TTC29: variants seen among roughly 807,000 people sequenced by gnomAD.
TTC29 encodes the protein tetratricopeptide repeat domain 29.
In TTC29, 49 loss-of-function variants were observed where a neutral mutation model predicts 58.1. That is an observed-to-expected ratio of 0.84 (90% confidence interval 0.67 to 1.07). TTC29 has a LOEUF of 1.07. TTC29 is among the 50% of genes least tolerant of loss of function. TTC29 has a pLI of 0.00. For missense variants in TTC29, 582 were observed against 555.6 expected, an observed-to-expected ratio of 1.05 and a Z score of -0.48; for synonymous variants, 209 against 196.8, an observed-to-expected ratio of 1.06 and a Z score of -0.52.
chr4:146,840,168 CTTT>C (rs369143176), intron 8 of TTC29, among the ~76,000 whole-genome samples: 7 of 137,760 alleles, frequency 5.1e-5, no homozygotes, highest in African/African-American at 5.3e-5. Context: ...TGGTTTTTAT[CTTT>C]TTTTTTTTTT....
intron 2 of TTC29, among the ~76,000 whole-genome samples, chr4:146,941,899 G>A (rs1250251399): frequency 1.3e-5 from 2 of 152,184 alleles, no homozygotes; most frequent in Non-Finnish European, 2.9e-5. Flanking sequence ...TTAGGTAGGA[G>A]TAGAGAAGGA....
intron 6 of TTC29, among the ~76,000 whole-genome samples, chr4:146,881,817 C>G (rs191982927): frequency 6.6e-6 from 1 of 152,050 alleles, no homozygotes; most frequent in Non-Finnish European, 1.5e-5. Context: ...AAATGGAACA[C>G]TGGAAAACAA....
chr4:146,871,918 GA>G (rs1455351359), intron 7 of TTC29, among the ~76,000 whole-genome samples: 2 of 151,892 alleles, frequency 1.3e-5, no homozygotes, highest in Non-Finnish European at 2.9e-5. Flanking sequence ...AATTCACATG[GA>G]AATGCAAGTG....
intron 5 of TTC29, among the ~76,000 whole-genome samples, chr4:146,905,035 G>T (rs549670759): frequency 5.9e-4 from 90 of 152,296 alleles, no homozygotes; most frequent in African/African-American, 2.1e-3. Context: ...TATCCTGGAA[G>T]TTGCTGGAGA....
intron 11 of TTC29, among the ~76,000 whole-genome samples, chr4:146,728,763 A>ACATATATATGTGTGTATATATACG (rs1244598268): frequency 3.1e-5 from 2 of 65,100 alleles, no homozygotes; most frequent in East Asian, 4.6e-4. Flanking sequence ...ATATATGTAC[A>ACATATATATGTGTGTATATATACG]TATATATACA....
At chr4:146,730,754 G>T (rs1173616189) in intron 11 of TTC29, among the ~76,000 whole-genome samples, 1 of 152,132 alleles carries the variant, frequency 6.6e-6, no homozygotes, top group Non-Finnish European at 1.5e-5. Context: ...TGTGTTTGGC[G>T]ATGCGAAAGC....
At chr4:146,878,131 G>A (rs967344757) in intron 6 of TTC29, among the ~76,000 whole-genome samples, 2 of 152,154 alleles carry the variant, frequency 1.3e-5, no homozygotes, top group African/African-American at 2.4e-5. Context: ...AGTGAGGATG[G>A]TCCTCAGGAC....
intron 7 of TTC29, among the ~76,000 whole-genome samples, chr4:146,872,862 A>C (rs1731023661): frequency 6.6e-6 from 1 of 152,042 alleles, no homozygotes; most frequent in Non-Finnish European, 1.5e-5. Flanking sequence ...CATATAACCC[A>C]GCGATGCCAC....
At chr4:146,925,672 C>T (rs1560725090) in intron 4 of TTC29, among the ~76,000 whole-genome samples, 2 of 152,182 alleles carry the variant, frequency 1.3e-5, no homozygotes, top group South Asian at 4.2e-4. Context: ...CCTTAATCAG[C>T]AATGCATTTC....
chr4:146,890,316 C>T (rs1306762566), intron 6 of TTC29, among the ~76,000 whole-genome samples: 2 of 152,138 alleles, frequency 1.3e-5, no homozygotes, highest in Non-Finnish European at 2.9e-5. Context: ...GTTCTCTAAA[C>T]TGAGAAAACA....
At chr4:146,844,074 CA>C (rs1377317024) in intron 8 of TTC29, among the ~76,000 whole-genome samples, 1 of 152,120 alleles carries the variant, frequency 6.6e-6, no homozygotes. Flanking sequence ...TGATGAAAAT[CA>C]AGATTAGCCT....
chr4:146,841,130 T>A (rs925262053), intron 8 of TTC29, among the ~76,000 whole-genome samples: 8 of 152,132 alleles, frequency 5.3e-5, no homozygotes, highest in Non-Finnish European at 8.8e-5. Context: ...ATAACAGTAG[T>A]CTTTTGCAGG....
intron 6 of TTC29, among the ~76,000 whole-genome samples, chr4:146,881,018 C>A (rs1211848397): frequency 1.3e-5 from 2 of 151,956 alleles, no homozygotes; most frequent in Non-Finnish European, 2.9e-5. Flanking sequence ...CTAAAGTTTG[C>A]AACGCAATAA....
intron 4 of TTC29, among the ~76,000 whole-genome samples, chr4:146,927,362 G>A (rs1298017371): frequency 6.6e-6 from 1 of 152,118 alleles, no homozygotes; most frequent in Non-Finnish European, 1.5e-5. Context: ...GGAGACCAGA[G>A]AGTATGGTTT....
intron 8 of TTC29, among the ~76,000 whole-genome samples, chr4:146,852,701 T>C (rs17656106): frequency 0.06 from 9,136 of 152,280 alleles, 378 homozygotes; most frequent in Admixed American, 0.13. Context: ...GATAATGCAG[T>C]CTTGCACTAC....
intron 11 of TTC29, 59 bp downstream of exon 11, chr4:146,803,398 G>T: frequency 8.3e-7 from 1 of 1,209,878 alleles, no homozygotes; most frequent in Non-Finnish European, 1.1e-6. Context: ...TCCAATGAAA[G>T]TAAATTAATC....
At chr4:146,802,510 A>T (rs1314357384) in intron 11 of TTC29, among the ~76,000 whole-genome samples, 7 of 152,212 alleles carry the variant, frequency 4.6e-5, no homozygotes, top group African/African-American at 1.7e-4. Context: ...TGGGTAGTTA[A>T]GTAGTATTCT....
chr4:146,808,035 T>C (rs573219411), intron 10 of TTC29, among the ~76,000 whole-genome samples: 2 of 152,236 alleles, frequency 1.3e-5, no homozygotes, highest in African/African-American at 4.8e-5. Context: ...AAAAAGCTTA[T>C]TCATCATGAC....
intron 11 of TTC29, among the ~76,000 whole-genome samples, chr4:146,762,762 A>T (rs766342918): frequency 8.6e-5 from 13 of 152,010 alleles, no homozygotes; most frequent in Admixed American, 3.9e-4. Context: ...ATATAACCGA[A>T]GTATAATTTT....
Sources: allele counts gnomAD v4.1 joint callset (sites outside exome capture counted in the v4.1 genomes callset), GRCh38; gene constraint gnomAD v4.1.1; transcripts MANE v1.5; gene names NCBI Gene and HGNC (gene_info 2026-07-23, HGNC 2026-07-21).